AJAP1: variants seen among roughly 807,000 people sequenced by gnomAD.
AJAP1 encodes the protein adherens junctions associated protein 1.
A neutral mutation model predicts 35.0 loss-of-function variants in AJAP1; 5 were observed. That is an observed-to-expected ratio of 0.14 (90% CI 0.07 to 0.30). The LOEUF (loss-of-function observed/expected upper bound fraction) is 0.30, where lower values mean the gene tolerates loss of function less well. AJAP1 is among the 10% of genes least tolerant of loss of function. The probability of loss-of-function intolerance (pLI) is 1.00; values close to 1 mark genes in which losing one functional copy is unlikely to be tolerated. For missense variants in AJAP1, 586 were observed against 571.0 expected (o/e 1.03, Z -0.27); for synonymous variants, 284 against 249.3 (o/e 1.14, Z -1.31).
rs559061735 is a variant in AJAP1, at chr1:4,723,549, G to A, written c.829+10850G>A. ...GTTCCCAGAGCATGGAGGGGTCCTCGTGGCGGAGCTCCCAGAGACATGAAA... is the reference window on the plus strand; with the variant it reads ...GTTCCCAGAGCATGGAGGGGTCCTCATGGCGGAGCTCCCAGAGACATGAAA... On this transcript the variant is annotated intron_variant, in intron 2 of 5. Transcript: ENST00000378191. The surrounding 1 kb of genome is among the most constrained non-coding windows in gnomAD (Gnocchi z 4.3). Among the ~76,000 whole-genome samples, 10 of 152,252 alleles carry A rather than the reference G, an allele frequency of 6.6e-5. No homozygotes were observed. The East Asian group carries it at 9.7e-4, about 15-fold the overall frequency.
chr1:4,713,594 G>T (rs1245553160), intron 2 of AJAP1, among the ~76,000 whole-genome samples: 5 of 152,256 alleles, frequency 3.3e-5, no homozygotes, highest in African/African-American at 9.6e-5. Context: ...CAGCAGGCCT[G>T]CGGGGAGAGC....
At position 4,792,272 on chromosome 1, in the gene AJAP1, C is replaced by A. The variant is rs1022875326; in HGVS notation, c.*9787C>A. 7.0e-6 allele frequency: 1 copy of A among 143,322 alleles called. No homozygotes were observed. Among genetic ancestry groups the A allele is most frequent in the Non-Finnish European group, 1.5e-5 (1 of 67,590 alleles). The allele number at this position is 143,322 out of a possible 1,614,324, so 8.9% of individuals were successfully genotyped here. A position where few individuals can be genotyped will look rare whatever the true frequency, so the allele number is the denominator to read the frequency against. ...CCTCCTGTAGTTTAATGTTGTGTTT[C>A]TTTTCTTTAAATGCATATCATAATC... On this transcript the variant is annotated 3_prime_UTR_variant, in exon 6 of 6. Transcript: ENST00000378191.
At chr1:4,764,729 T>C (rs1410357221) in intron 2 of AJAP1, among the ~76,000 whole-genome samples, 1 of 152,216 alleles carries the variant, frequency 6.6e-6, no homozygotes, top group Non-Finnish European at 1.5e-5. Context: ...CGCACAGCAA[T>C]GTCATCTGTT....
At chr1:4,680,826 A>G (rs1334786304) in intron 1 of AJAP1, among the ~76,000 whole-genome samples, 1 of 152,164 alleles carries the variant, frequency 6.6e-6, no homozygotes, top group Non-Finnish European at 1.5e-5. Context: ...TTCCATCCCA[A>G]ACATCTTTCT....
chr1:4,744,635 A>G (rs1215357662), intron 2 of AJAP1, among the ~76,000 whole-genome samples: 6 of 150,874 alleles, frequency 4.0e-5, no homozygotes, highest in Non-Finnish European at 8.9e-5. Context: ...GCACACACAC[A>G]CACACACACA....
chr1:4,778,579 C>G (rs12740917), intron 5 of AJAP1, among the ~76,000 whole-genome samples: 1 of 57,624 alleles, frequency 1.7e-5, no homozygotes, highest in African/African-American at 6.1e-5. Context: ...CCATCTCTCT[C>G]TCTCTCTCTC....
chr1:4,712,176 C>G lies in AJAP1; in HGVS notation c.306C>G (p.His102Gln), dbSNP rs755837025. 3 of 1,565,448 alleles carry G rather than the reference C, an allele frequency of 1.9e-6. No individual in the cohort carries two copies. In the East Asian group the frequency reaches 7.0e-5, roughly 36 times the overall value. The change falls in exon 2 of 6, where the codon CAC becomes CAG. Residue 102 changes from histidine to glutamine, a missense_variant. Coordinates refer to ENST00000378191, the MANE Select transcript of AJAP1 (RefSeq NM_018836.4). ...AGATGCCTCGAGCCAGACGGGCCCACAGGCCCCGGGACCAGGCGGCCGCCC... is the reference window on the plus strand; with the variant it reads ...AGATGCCTCGAGCCAGACGGGCCCAGAGGCCCCGGGACCAGGCGGCCGCCC... ...QMQMPRARRAHRPRDQAAALV... is the reference protein window; with the variant it reads ...QMQMPRARRAQRPRDQAAALV...
intron 1 of AJAP1, among the ~76,000 whole-genome samples, chr1:4,675,566 A>T (rs1639344793): frequency 6.6e-6 from 1 of 152,192 alleles, no homozygotes; most frequent in Non-Finnish European, 1.5e-5. Context: ...CCCTTGGGAA[A>T]TGGAGCAGAT....
chr1:4,758,991 G>C (rs896616147), intron 2 of AJAP1, among the ~76,000 whole-genome samples: 2 of 152,236 alleles, frequency 1.3e-5, no homozygotes, highest in Non-Finnish European at 2.9e-5. Context: ...GCCAGCACCA[G>C]AGCTCAGGTC....
At chr1:4,725,927 A>G (rs148021574) in intron 2 of AJAP1, among the ~76,000 whole-genome samples, 76 of 152,334 alleles carry the variant, frequency 5.0e-4, no homozygotes, top group African/African-American at 1.5e-3. Flanking sequence ...TAAAGGCTCT[A>G]TCTCCAAATA....
At chr1:4,752,040 A>G (rs576722428) in intron 2 of AJAP1, among the ~76,000 whole-genome samples, 4 of 152,318 alleles carry the variant, frequency 2.6e-5, no homozygotes, top group African/African-American at 9.6e-5. Flanking sequence ...TTAGCTGGGC[A>G]AGTGACTGCA....
At chr1:4,665,165 C>T (rs984547905) in intron 1 of AJAP1, among the ~76,000 whole-genome samples, 1 of 151,994 alleles carries the variant, frequency 6.6e-6, no homozygotes, top group Admixed American at 6.5e-5. Flanking sequence ...AGCTGTGCTT[C>T]CTGCTGAGGG....
intron 1 of AJAP1, among the ~76,000 whole-genome samples, chr1:4,674,938 T>C (rs2100520515): frequency 6.6e-6 from 1 of 152,336 alleles, no homozygotes. Flanking sequence ...AGGGCGTGAG[T>C]CACGTTGCCA....
At chr1:4,743,560 A>ATCCG (rs1641120005) in intron 2 of AJAP1, among the ~76,000 whole-genome samples, 1 of 152,144 alleles carries the variant, frequency 6.6e-6, no homozygotes, top group African/African-American at 2.4e-5. Context: ...CCATCCATCC[A>ATCCG]TCCCTCCATC....
intron 1 of AJAP1, among the ~76,000 whole-genome samples, chr1:4,694,130 T>G (rs999113104): frequency 6.6e-6 from 1 of 152,102 alleles, no homozygotes; most frequent in African/African-American, 2.4e-5. Flanking sequence ...AGGGGCGGGG[T>G]GAGCCTCCCG....
chr1:4,659,550 G>T lies in AJAP1; in HGVS notation c.29+4096G>T, dbSNP rs116792023. Among the ~76,000 whole-genome samples the T allele has an allele frequency of 8.5e-3, 1,300 of 152,298 alleles. 20 individuals are homozygous for T. The highest frequency in any genetic ancestry group is 0.03 in the African/African-American group (1,233 of 41,566). ...TCAGTTAATCTGCCTTGAATAGAGA[G>T]TCAGGCTGGAGGGTGTCCATGTCAG... On this transcript the variant is annotated intron_variant, in intron 1 of 5. Transcript: ENST00000378191.
intron 2 of AJAP1, among the ~76,000 whole-genome samples, chr1:4,761,221 A>G (rs1453425891): frequency 6.6e-6 from 1 of 152,194 alleles, no homozygotes; most frequent in Non-Finnish European, 1.5e-5. Flanking sequence ...TGAATGCAGC[A>G]GTGCTGAGAT....
intron 1 of AJAP1, among the ~76,000 whole-genome samples, chr1:4,674,716 G>A (rs939721061): frequency 1.3e-5 from 2 of 152,194 alleles, no homozygotes; most frequent in Non-Finnish European, 2.9e-5. Flanking sequence ...GAAGCTCTCA[G>A]AGCTCTAGTT....
intron 1 of AJAP1, among the ~76,000 whole-genome samples, chr1:4,683,312 C>A (rs1039361643): frequency 6.6e-6 from 1 of 152,216 alleles, no homozygotes; most frequent in Non-Finnish European, 1.5e-5. Context: ...TCACTTGACC[C>A]GCAGAGCTCA....
Sources: gnomAD v4.1 joint callset for allele counts (sites outside exome capture counted in the v4.1 genomes callset) on GRCh38, gnomAD v4.1.1 for gene constraint, Gnocchi (gnomAD v3.1) non-coding constraint, MANE v1.5 for transcripts, NCBI Gene and HGNC (gene_info 2026-07-23, HGNC 2026-07-21) for gene names.